The following CAST variants were observed in gnomAD, a reference collection of about 807,000 sequenced individuals.
CAST encodes the protein MIR583 host.
CAST carries 76 observed loss-of-function variants against 119.6 expected under a neutral mutation model. That is an observed-to-expected ratio of 0.64 (90% confidence interval 0.53 to 0.77). The LOEUF (loss-of-function observed/expected upper bound fraction) is 0.77. Among genes scored for constraint, CAST ranks in the 30% least tolerant of loss-of-function variants. The pLI is 0.00. For synonymous variants in CAST, 319 were observed against 331.6 expected, an observed-to-expected ratio of 0.96 and a Z score of 0.41; for missense variants, 953 against 946.5, an observed-to-expected ratio of 1.01 and a Z score of -0.09.
chr5:96,600,616 A>C (rs1420418252), intron 1 of CAST, among the ~76,000 whole-genome samples: 1 of 151,780 alleles, frequency 6.6e-6, no homozygotes, highest in African/African-American at 2.4e-5. Context: ...AGGTCCTCCA[A>C]CTCCTCTTTT....
At chr5:96,107,094 T>C in the CAST span, among the ~76,000 whole-genome samples, 2 of 148,618 alleles carry the variant, frequency 1.3e-5, no homozygotes, top group Non-Finnish European at 3.0e-5. Context: ...TCCTCCATCC[T>C]TTTATTTTGA....
the CAST span, among the ~76,000 whole-genome samples, chr5:96,001,605 A>G: frequency 2.0e-5 from 3 of 152,222 alleles, no homozygotes. Flanking sequence ...TGAGTATCCA[A>G]TTCTCTTTAT....
At chr5:95,961,480 A>G in the CAST span, 14 of 1,330,938 alleles carry the variant, frequency 1.1e-5, no homozygotes, top group Non-Finnish European at 1.3e-5. Flanking sequence ...AGCAGCTGCC[A>G]GCCACGGCTC....
chr5:96,025,855 T>C, the CAST span, among the ~76,000 whole-genome samples: 2 of 152,204 alleles, frequency 1.3e-5, no homozygotes, highest in South Asian at 4.1e-4. Flanking sequence ...GGACTATCCA[T>C]CCCTACTCGA....
chr5:95,977,992 T>A, the CAST span, among the ~76,000 whole-genome samples: 9 of 151,286 alleles, frequency 5.9e-5, no homozygotes, highest in South Asian at 1.7e-3. Flanking sequence ...TTTTTTTTTA[T>A]GGCTGCATGG....
the CAST span, among the ~76,000 whole-genome samples, chr5:96,406,202 C>T: frequency 6.6e-6 from 1 of 152,106 alleles, no homozygotes; most frequent in Non-Finnish European, 1.5e-5. Flanking sequence ...AAAGACTGAA[C>T]CCCACAAGTA....
the CAST span, among the ~76,000 whole-genome samples, chr5:96,003,855 A>G: frequency 1.1e-3 from 170 of 152,312 alleles, no homozygotes; most frequent in African/African-American, 4.0e-3. Context: ...CTTGACCCTG[A>G]TAAACTTTCT....
chr5:96,009,486 G>A, the CAST span, among the ~76,000 whole-genome samples: 2 of 152,062 alleles, frequency 1.3e-5, no homozygotes, highest in African/African-American at 4.8e-5. Context: ...TTTAATAATA[G>A]TCATTCTACT....
chr5:96,675,420 G>A, intron 1 of CAST, 119 bp from the exon 2 acceptor site: 1 of 674,126 alleles, frequency 1.5e-6, no homozygotes, highest in Admixed American at 2.5e-5. Flanking sequence ...AGCATTCTCA[G>A]GAGGAAGATT....
chr5:95,998,208 C>A, the CAST span, among the ~76,000 whole-genome samples: 1 of 151,758 alleles, frequency 6.6e-6, no homozygotes, highest in Non-Finnish European at 1.5e-5. Context: ...ATTTTCCATA[C>A]ATTTTCTGCT....
At chr5:96,203,186 A>T in the CAST span, among the ~76,000 whole-genome samples, 4 of 152,024 alleles carry the variant, frequency 2.6e-5, no homozygotes, top group African/African-American at 9.6e-5. Flanking sequence ...ACCTTTCCAC[A>T]TATGCCCTTA....
the CAST span, among the ~76,000 whole-genome samples, chr5:95,987,717 C>G: frequency 6.6e-6 from 1 of 152,176 alleles, no homozygotes; most frequent in African/African-American, 2.4e-5. Flanking sequence ...GTATCTTCCT[C>G]AAAGGTAGCC....
chr5:96,472,079 A>G, the CAST span, among the ~76,000 whole-genome samples: 3 of 152,308 alleles, frequency 2.0e-5, no homozygotes, highest in East Asian at 5.8e-4. Flanking sequence ...CTTCAGCAGT[A>G]TTTGGTACAG....
At chr5:96,716,519 C>CGGGGATGGGGAT (rs1042839799) in intron 3 of CAST, among the ~76,000 whole-genome samples, 1 of 152,090 alleles carries the variant, frequency 6.6e-6, no homozygotes, top group Non-Finnish European at 1.5e-5. Context: ...GTTAAGGCTC[C>CGGGGATGGGGAT]GGGGATGGGG....
the CAST span, among the ~76,000 whole-genome samples, chr5:96,490,572 G>T: frequency 6.6e-6 from 1 of 152,086 alleles, no homozygotes; most frequent in African/African-American, 2.4e-5. Context: ...TAGGCTAATG[G>T]AATAGAATAG....
chr5:96,590,806 C>T (rs1232786879), intron 1 of CAST, among the ~76,000 whole-genome samples: 1 of 152,128 alleles, frequency 6.6e-6, no homozygotes, highest in Non-Finnish European at 1.5e-5. Flanking sequence ...TAGTTCTTGG[C>T]TGGCAGAGTT....
At chr5:96,658,976 T>C (rs1260899896), upstream of CAST, among the ~76,000 whole-genome samples, 4 of 152,242 alleles carry the variant, frequency 2.6e-5, no homozygotes, top group Non-Finnish European at 4.4e-5. Flanking sequence ...TTGGCTCTGT[T>C]TTTTATTTCT....
the CAST span, among the ~76,000 whole-genome samples, chr5:96,003,194 C>G: frequency 1.1e-4 from 17 of 151,854 alleles, no homozygotes; most frequent in African/African-American, 4.1e-4. Flanking sequence ...GAGCCATGAT[C>G]ACACCACTGC....
chr5:96,501,416 G>C, the CAST span, among the ~76,000 whole-genome samples: 1 of 152,078 alleles, frequency 6.6e-6, no homozygotes, highest in African/African-American at 2.4e-5. Flanking sequence ...AAAAAAACTT[G>C]TGGAACAACG....
Sources: allele counts gnomAD v4.1 joint callset (sites outside exome capture counted in the v4.1 genomes callset), GRCh38; gene constraint gnomAD v4.1.1; transcripts MANE v1.5; gene names NCBI Gene and HGNC (gene_info 2026-07-23, HGNC 2026-07-21).